CRACD: variants seen among roughly 807,000 people sequenced by gnomAD.
The protein encoded by CRACD is capping protein-inhibiting regulator of actin dynamics.
Under a neutral mutation model 106.8 loss-of-function variants are expected in CRACD, and 56 were observed. The observed-to-expected ratio is 0.52, with a 90% CI of 0.42 to 0.66. CRACD has a LOEUF of 0.66. Among genes scored for constraint, CRACD ranks in the 30% least tolerant of loss-of-function variants. CRACD has a pLI of 0.00. For missense variants in CRACD, 1,730 were observed against 1,623.2 expected, an observed-to-expected ratio of 1.07 and a Z score of -1.13; for synonymous variants, 754 against 670.8, an observed-to-expected ratio of 1.12 and a Z score of -1.92.
chr4:56,196,266 G>A (rs1266107124), intron 2 of CRACD: 1 of 152,702 alleles, frequency 6.5e-6, no homozygotes, highest in Non-Finnish European at 1.5e-5. Flanking sequence ...GGACAGAATT[G>A]ATAACAGTGG....
At position 56,306,402 on chromosome 4, in the gene CRACD, G is replaced by C. The variant is rs148348629; in HGVS notation, c.121-1133G>C. The stretch of plus-strand genomic sequence containing the variant: ...CCAGCTACTTGGAAGGCTGAGGTGG[G>C]AGGATCACCTGAGCATGGGAGAATC... On this transcript the variant is annotated intron_variant, in intron 4 of 10. Coordinates refer to ENST00000682029, the MANE Select transcript of CRACD (RefSeq NM_001393381.1). Among the ~76,000 whole-genome samples, 830 of 152,192 alleles carry C rather than the reference G, an allele frequency of 5.5e-3. 7 individuals are homozygous for C. Among genetic ancestry groups the C allele is most frequent in the African/African-American group, 0.019 (800 of 41,500 alleles).
chr4:56,110,424 A>G (rs1011827117), intron 1 of CRACD, among the ~76,000 whole-genome samples: 1 of 152,160 alleles, frequency 6.6e-6, no homozygotes, highest in Non-Finnish European at 1.5e-5. Context: ...TGCATTTACC[A>G]TGAAAGTGAG....
intron 1 of CRACD, among the ~76,000 whole-genome samples, chr4:56,178,128 C>A (rs1736664319): frequency 6.6e-6 from 1 of 152,156 alleles, no homozygotes; most frequent in African/African-American, 2.4e-5. Context: ...CTAGAACTCT[C>A]ATATATTACT....
chr4:56,079,159 A>G (rs2412717), intron 1 of CRACD, among the ~76,000 whole-genome samples: 54,142 of 151,966 alleles, frequency 0.36, 10,190 homozygotes, highest in African/African-American at 0.48. Flanking sequence ...TAAAGGCACC[A>G]TGCTGTCCCA....
intron 2 of CRACD, among the ~76,000 whole-genome samples, chr4:56,258,200 A>G (rs1741489263): frequency 6.6e-6 from 1 of 152,232 alleles, no homozygotes; most frequent in Admixed American, 6.5e-5. Context: ...ATTCCTTTCT[A>G]TTGATTCCAA....
Position 56,124,050 on chromosome 4 carries a change from G to A in CRACD, c.-335-55234G>A, listed in dbSNP as rs543261974. Among the ~76,000 whole-genome samples, 33 of 152,016 alleles carry A rather than the reference G, an allele frequency of 2.2e-4. No homozygotes were observed. In the East Asian group the frequency reaches 5.2e-3, roughly 24 times the overall value. ...CCTCCCAGGTTCAAGCCATTGTCCC[G>A]CCTCAGCCTCCCAAGTAGCTGGGAT... On this transcript the variant is annotated intron_variant, in intron 1 of 10. Transcript: ENST00000682029.
chr4:56,314,042 T>G lies in CRACD; in HGVS notation c.540T>G (p.Asp180Glu). The G allele has an allele frequency of 4.3e-6, 7 of 1,611,794 alleles. No individual in the cohort carries two copies. The highest frequency in any genetic ancestry group is 5.9e-6 in the Non-Finnish European group (7 of 1,178,838). ...TGTGTTTTCCTTTCCAATGTTAGGA[T>G]CCACAACATGAGCAAGGCGGCCTTG... ...VSKKHRRLAQ[D>E]PQHEQGGLES... The change falls in exon 8 of 11, where the codon GAT (aspartate) becomes GAG (glutamate). Residue 180 changes from aspartate to glutamate, a missense_variant and splice_region_variant. By Grantham distance (45) the Asp-to-Glu change is conservative (BLOSUM62 2). Around this residue, in one of 5 missense-constraint regions of CRACD, gnomAD observed 1,620 missense variants for 1,481.6 expected, o/e 1.09. Coordinates refer to ENST00000682029, the MANE Select transcript of CRACD (RefSeq NM_001393381.1). This position sits in a 1 kb window ranked among gnomAD's most constrained non-coding sequence, Gnocchi z 4.4.
chr4:56,315,543 A>T lies in CRACD; in HGVS notation c.2041A>T (p.Ser681Cys). The change falls in exon 8 of 11, where the codon AGT becomes TGT. Residue 681 changes from serine (S) to cysteine (C), a missense_variant. Ser to Cys is a moderately radical substitution (Grantham distance 112, BLOSUM62 -1). Around this residue, in one of 5 missense-constraint regions of CRACD, gnomAD observed 1,620 missense variants for 1,481.6 expected, o/e 1.09. Transcript: ENST00000682029. The surrounding 1 kb of genome is among the most constrained non-coding windows in gnomAD (Gnocchi z 4.1). The part of the protein sequence containing the change: ...IRSRILKNAE[S>C]DPRSSERDQL... ...GTCCAGAATCCTGAAGAACGCAGAG[A>T]GTGACCCGCGCAGCAGCGAGAGGGA... 1 of 1,614,028 alleles carries T rather than the reference A, an allele frequency of 6.2e-7. No homozygotes were observed. The highest frequency in any genetic ancestry group is 8.5e-7 in the Non-Finnish European group (1 of 1,179,996).
At chr4:56,155,650 C>A (rs552544390) in intron 1 of CRACD, among the ~76,000 whole-genome samples, 88 of 152,332 alleles carry the variant, frequency 5.8e-4, no homozygotes, top group African/African-American at 2.0e-3. Flanking sequence ...CAAACCTACG[C>A]TGTCTAGCTC....
intron 1 of CRACD, among the ~76,000 whole-genome samples, chr4:56,100,192 G>C (rs967905600): frequency 6.6e-6 from 1 of 152,026 alleles, no homozygotes; most frequent in Non-Finnish European, 1.5e-5. Flanking sequence ...GCAGTGAGCC[G>C]AGAGCATGCC....
At chr4:56,154,422 C>T (rs1027865816) in intron 1 of CRACD, among the ~76,000 whole-genome samples, 3 of 152,082 alleles carry the variant, frequency 2.0e-5, no homozygotes, top group South Asian at 2.1e-4. Flanking sequence ...GCCAAGATCA[C>T]GCCGTTGCAC....
chr4:56,162,444 A>G (rs1735994307), intron 1 of CRACD, among the ~76,000 whole-genome samples: 2 of 152,118 alleles, frequency 1.3e-5, no homozygotes, highest in Non-Finnish European at 2.9e-5. Flanking sequence ...CTTGGTCTCA[A>G]GATCCTCCCA....
intron 1 of CRACD, among the ~76,000 whole-genome samples, chr4:56,163,291 G>A (rs945121106): frequency 6.7e-6 from 1 of 150,146 alleles, no homozygotes; most frequent in Non-Finnish European, 1.5e-5. Flanking sequence ...AGTGAGTCCC[G>A]TCTTCAAAAA....
chr4:56,198,222 C>T (rs1260203559), intron 2 of CRACD, among the ~76,000 whole-genome samples: 1 of 152,124 alleles, frequency 6.6e-6, no homozygotes, highest in Non-Finnish European at 1.5e-5. Flanking sequence ...GGCGGTACAT[C>T]CACCATACGT....
At position 56,323,470 on chromosome 4, in the gene CRACD, T is replaced by G. The variant is rs1383665668; in HGVS notation, c.3281T>G (p.Leu1094Arg). ...CAGCCGCTGTGGATAACGTTAGCAC[T>G]GCAAAAGCAAAAGGGGTTTCGGGAG... is the stretch of plus-strand genomic sequence containing the variant. ...TAQPLWITLA[L>R]QKQKGFREQQ... Residue 1094 changes from leucine to arginine, a missense_variant, in exon 9 of 11, where the codon CTG becomes CGG. Transcript: ENST00000682029. 1 of 1,610,860 alleles carries G rather than the reference T, an allele frequency of 6.2e-7. No homozygotes were observed. The highest frequency in any genetic ancestry group is 1.7e-5 in the Admixed American group (1 of 58,968).
chr4:56,299,952 C>T (rs532470962), intron 4 of CRACD, among the ~76,000 whole-genome samples: 5 of 151,498 alleles, frequency 3.3e-5, no homozygotes, highest in African/African-American at 1.2e-4. Flanking sequence ...TCCTGGCTAA[C>T]ACAGTGAAAC....
In CRACD at chr4:56,290,011, GGC is replaced by G. The variant is rs1450461799; in HGVS notation, c.-16-8202_-16-8201del. Among the ~76,000 whole-genome samples the G allele has an allele frequency of 4.0e-4, 61 of 152,266 alleles. 1 individual carries two copies. Among genetic ancestry groups the G allele is most frequent in the Admixed American group, 4.0e-3 (61 of 15,300 alleles). On this transcript the variant is annotated intron_variant, in intron 3 of 10. Transcript: ENST00000682029. ...AGGGGCCCTTTCTGCAGTGGCTGTT[GGC>G]TGTGTGAGGGCTGTCCCTGTCATCG...
intron 1 of CRACD, among the ~76,000 whole-genome samples, chr4:56,153,789 A>C (rs540345457): frequency 5.7e-4 from 87 of 152,146 alleles, no homozygotes; most frequent in Non-Finnish European, 1.1e-3. Flanking sequence ...GGTTCCTTAG[A>C]CATTCTGAGC....
intron 6 of CRACD, 97 bp downstream of exon 6, chr4:56,310,831 C>G: frequency 2.9e-6 from 2 of 693,612 alleles, no homozygotes; most frequent in Non-Finnish European, 5.0e-6. Context: ...GCCTCATTTT[C>G]CATTCATAAA....
Sources: gnomAD v4.1 joint callset for allele counts (sites outside exome capture counted in the v4.1 genomes callset) on GRCh38, gnomAD v4.1.1 for gene constraint, gnomAD v4.1.1 regional missense constraint, Gnocchi (gnomAD v3.1) non-coding constraint, MANE v1.5 for transcripts, NCBI Gene and HGNC (gene_info 2026-07-23, HGNC 2026-07-21) for gene names.